Variants in CDH13 observed in about 807,000 individuals in gnomAD.
CDH13 encodes the protein cadherin-13.
A neutral mutation model predicts 63.8 loss-of-function variants in CDH13; 24 were observed. That is an observed-to-expected ratio of 0.38 (90% confidence interval 0.27 to 0.53). The LOEUF (loss-of-function observed/expected upper bound fraction) is 0.53. Ranked by LOEUF, CDH13 falls within the 20% of genes least tolerant of loss-of-function variation. CDH13 has a pLI of 0.85. For missense variants in CDH13, 1,049 were observed against 903.1 expected (o/e 1.16, Z -2.07); for synonymous variants, 503 against 355.3 (o/e 1.42, Z -4.67).
At chr16:83,194,850 A>G (rs2038829969) in intron 4 of CDH13, among the ~76,000 whole-genome samples, 1 of 152,128 alleles carries the variant, frequency 6.6e-6, no homozygotes, top group African/African-American at 2.4e-5. Context: ...TCATTTCAGG[A>G]GGCAAGGTGG....
chr16:83,569,092 A>G (rs1249444792), intron 7 of CDH13, among the ~76,000 whole-genome samples: 1 of 151,974 alleles, frequency 6.6e-6, no homozygotes, highest in Non-Finnish European at 1.5e-5. Context: ...TGAACACCCT[A>G]GATTCCTGCC....
At chr16:83,249,937 T>C (rs907397668) in intron 5 of CDH13, among the ~76,000 whole-genome samples, 7 of 152,228 alleles carry the variant, frequency 4.6e-5, no homozygotes, top group African/African-American at 1.4e-4. Flanking sequence ...AAATTCTTTC[T>C]ACAAATGTTT....
intron 3 of CDH13, among the ~76,000 whole-genome samples, chr16:83,089,850 T>TA (rs1460539472): frequency 6.6e-6 from 1 of 152,108 alleles, no homozygotes; most frequent in African/African-American, 2.4e-5. Context: ...GAGGATCTTG[T>TA]AAAAAATGTA....
At chr16:83,545,222 C>T (rs1429297979) in intron 7 of CDH13, among the ~76,000 whole-genome samples, 1 of 152,128 alleles carries the variant, frequency 6.6e-6, no homozygotes. Flanking sequence ...TGGAAACCCT[C>T]CAAGCACCAT....
chr16:83,754,297 T>A (rs1418864161), intron 11 of CDH13, among the ~76,000 whole-genome samples: 1 of 152,190 alleles, frequency 6.6e-6, no homozygotes, highest in Non-Finnish European at 1.5e-5. Flanking sequence ...TGGTAACCAC[T>A]GAAGGGAAGA....
chr16:83,788,178 C>T (rs2151017183), intron 13 of CDH13, among the ~76,000 whole-genome samples: 1 of 152,264 alleles, frequency 6.6e-6, no homozygotes, highest in Middle Eastern at 3.4e-3. Flanking sequence ...AACATCAAAG[C>T]CTCACTCCGT....
intron 7 of CDH13, among the ~76,000 whole-genome samples, chr16:83,564,349 T>C (rs1417185150): frequency 6.7e-6 from 1 of 150,310 alleles, no homozygotes; most frequent in Non-Finnish European, 1.5e-5. Flanking sequence ...CAAGGGGCAG[T>C]AAGGAGGGGA....
chr16:82,715,288 G>T (rs542321057), intron 1 of CDH13, among the ~76,000 whole-genome samples: 1 of 151,888 alleles, frequency 6.6e-6, no homozygotes, highest in Admixed American at 6.6e-5. Context: ...ATCAACTATG[G>T]CTGCAACCAA....
chr16:83,306,750 C>G (rs1188744942), intron 5 of CDH13, among the ~76,000 whole-genome samples: 1 of 152,044 alleles, frequency 6.6e-6, no homozygotes, highest in East Asian at 1.9e-4. Context: ...CTCTTGCAAG[C>G]CATGATAAGA....
chr16:82,898,877 T>G (rs973247217), intron 2 of CDH13, among the ~76,000 whole-genome samples: 1 of 152,220 alleles, frequency 6.6e-6, no homozygotes, highest in African/African-American at 2.4e-5. Flanking sequence ...CATTTTTATT[T>G]ATTAAAGTGC....
chr16:83,001,186 T>C (rs540340971), intron 2 of CDH13, among the ~76,000 whole-genome samples: 1 of 152,382 alleles, frequency 6.6e-6, no homozygotes, highest in East Asian at 1.9e-4. Context: ...ACCCCTGTGG[T>C]GACCACACAG....
At chr16:83,390,194 T>C (rs1009683565) in intron 6 of CDH13, among the ~76,000 whole-genome samples, 2 of 152,212 alleles carry the variant, frequency 1.3e-5, no homozygotes, top group African/African-American at 4.8e-5. Context: ...CTCAATTTCA[T>C]CGAAGCCCCT....
At chr16:82,748,105 T>G (rs2034257311) in intron 1 of CDH13, among the ~76,000 whole-genome samples, 1 of 152,146 alleles carries the variant, frequency 6.6e-6, no homozygotes, top group African/African-American at 2.4e-5. Flanking sequence ...AGTCTCCTAT[T>G]TGACAGAGCA....
chr16:83,315,803 A>G (rs749550984), intron 5 of CDH13, among the ~76,000 whole-genome samples: 4 of 152,108 alleles, frequency 2.6e-5, no homozygotes, highest in Admixed American at 6.6e-5. Flanking sequence ...TAGTGGGTGA[A>G]TGTTCTTTCA....
intron 4 of CDH13, among the ~76,000 whole-genome samples, chr16:83,161,558 G>A (rs1450441694): frequency 1.3e-5 from 2 of 152,072 alleles, no homozygotes; most frequent in Non-Finnish European, 2.9e-5. Flanking sequence ...AGCAAATTAA[G>A]CATTATGTCT....
intron 6 of CDH13, among the ~76,000 whole-genome samples, chr16:83,384,190 C>T (rs1312151218): frequency 6.6e-6 from 1 of 152,106 alleles, no homozygotes; most frequent in Non-Finnish European, 1.5e-5. Flanking sequence ...TTATCAATAC[C>T]TTCTGCAACA....
intron 4 of CDH13, among the ~76,000 whole-genome samples, chr16:83,176,003 T>G (rs559557019): frequency 6.6e-6 from 1 of 151,162 alleles, no homozygotes; most frequent in Admixed American, 6.6e-5. Flanking sequence ...TAATTTTTGT[T>G]TTTGTTTTTG....
chr16:82,670,960 C>A (rs929964193), intron 1 of CDH13, among the ~76,000 whole-genome samples: 12 of 152,144 alleles, frequency 7.9e-5, no homozygotes, highest in African/African-American at 2.9e-4. Flanking sequence ...GTAATAGTAA[C>A]AATATCAATA....
At chr16:82,903,920 C>T (rs1376712312) in intron 2 of CDH13, among the ~76,000 whole-genome samples, 4 of 152,168 alleles carry the variant, frequency 2.6e-5, no homozygotes, top group Non-Finnish European at 4.4e-5. Context: ...TCTGTCTGCT[C>T]TAAAGCCCAG....
Sources: allele counts gnomAD v4.1 joint callset (sites outside exome capture counted in the v4.1 genomes callset), GRCh38; gene constraint gnomAD v4.1.1; transcripts MANE v1.5; gene names NCBI Gene and HGNC (gene_info 2026-07-23, HGNC 2026-07-21).